The following ARHGEF26 variants were observed in gnomAD, a reference collection of about 807,000 sequenced individuals.
ARHGEF26 encodes the protein Rho guanine nucleotide exchange factor 26, also known as Rho guanine nucleotide exchange factor (GEF) 26.
Under a neutral mutation model 89.4 loss-of-function variants are expected in ARHGEF26, and 59 were observed. That is an observed-to-expected ratio of 0.66 (90% CI 0.54 to 0.82). The LOEUF (loss-of-function observed/expected upper bound fraction) is 0.82. Ranked by LOEUF, ARHGEF26 falls within the 40% of genes least tolerant of loss-of-function variation. ARHGEF26 has a pLI of 0.00. For missense variants in ARHGEF26, 1,234 were observed against 1,085.6 expected (o/e 1.14, Z -1.92); for synonymous variants, 500 against 428.4 (o/e 1.17, Z -2.06).
At chr3:154,232,474 C>T (rs1716882047) in intron 11 of ARHGEF26, among the ~76,000 whole-genome samples, 1 of 152,166 alleles carries the variant, frequency 6.6e-6, no homozygotes, top group Non-Finnish European at 1.5e-5. Flanking sequence ...CCTTGTTTTG[C>T]TGGTCTGAGC....
chr3:154,160,689 G>C (rs941150595), intron 6 of ARHGEF26, among the ~76,000 whole-genome samples: 2 of 152,008 alleles, frequency 1.3e-5, no homozygotes, highest in Non-Finnish European at 2.9e-5. Context: ...TGATTGATTG[G>C]TTCTTCCTTC....
chr3:154,209,575 G>A (rs1440068911), intron 9 of ARHGEF26, among the ~76,000 whole-genome samples: 2 of 152,182 alleles, frequency 1.3e-5, no homozygotes, highest in Non-Finnish European at 2.9e-5. Flanking sequence ...AGAGACTCTT[G>A]TTCTCTTCCC....
intron 4 of ARHGEF26, among the ~76,000 whole-genome samples, chr3:154,137,120 A>T (rs1015335376): frequency 6.6e-6 from 1 of 152,166 alleles, no homozygotes; most frequent in African/African-American, 2.4e-5. Flanking sequence ...TTAATTCCTG[A>T]TGTAGCAGTA....
At chr3:154,162,931 G>C (rs373665508) in intron 6 of ARHGEF26, among the ~76,000 whole-genome samples, 1 of 152,134 alleles carries the variant, frequency 6.6e-6, no homozygotes, top group Non-Finnish European at 1.5e-5. Flanking sequence ...AGCGCTCATT[G>C]AGCCGCCGTA....
intron 2 of ARHGEF26, 131 bp downstream of exon 2, chr3:154,123,206 C>G: frequency 7.4e-7 from 1 of 1,349,244 alleles, no homozygotes; most frequent in Admixed American, 2.3e-5. Context: ...CTCTTGATTG[C>G]TAGTGTACAT....
chr3:154,254,642 T>A, intron 13 of ARHGEF26, 78 bp from the exon 14 acceptor site: 1 of 1,098,464 alleles, frequency 9.1e-7, no homozygotes, highest in East Asian at 2.5e-5. Context: ...CAGAGAAAAA[T>A]AAGTAAGTGT....
At chr3:154,216,493 TTTTTTTTTATTTTTTA>T (rs1559905590) in intron 9 of ARHGEF26, among the ~76,000 whole-genome samples, 33 of 24,950 alleles carry the variant, frequency 1.3e-3, no homozygotes, top group African/African-American at 5.1e-3. Flanking sequence ...TTTTTTTTTA[TTTTTTTTTATTTTTTA>T]TTTTTTTTTT....
chr3:154,188,124 T>C (rs558676700), intron 7 of ARHGEF26, among the ~76,000 whole-genome samples: 3 of 152,174 alleles, frequency 2.0e-5, no homozygotes, highest in Non-Finnish European at 4.4e-5. Context: ...TGGTCCTCAC[T>C]CTAAACCCGC....
chr3:154,194,850 T>C, intron 9 of ARHGEF26, 132 bp downstream of exon 9: 1 of 737,624 alleles, frequency 1.4e-6, no homozygotes, highest in Admixed American at 2.7e-5. Context: ...TTTAGGTAGT[T>C]GCAAAACAAA....
intron 6 of ARHGEF26, among the ~76,000 whole-genome samples, chr3:154,157,604 C>G (rs1425587848): frequency 6.6e-6 from 1 of 151,996 alleles, no homozygotes; most frequent in African/African-American, 2.4e-5. Context: ...ACACAGCTAG[C>G]TAGGGTGGAA....
intron 4 of ARHGEF26, among the ~76,000 whole-genome samples, chr3:154,140,588 C>CT (rs34090306): frequency 0.66 from 88,304 of 134,684 alleles, 29,684 homozygotes; most frequent in Non-Finnish European, 0.74. Context: ...TTTCTGAGTG[C>CT]TTTTTTTTTT....
intron 12 of ARHGEF26, 32 bp from the exon 13 acceptor site, chr3:154,253,084 A>C: frequency 6.2e-7 from 1 of 1,612,402 alleles, no homozygotes; most frequent in Non-Finnish European, 8.5e-7. Context: ...TTACACCTTG[A>C]GTCTCTCAGT....
chr3:154,228,590 G>C (rs770679235), intron 11 of ARHGEF26, among the ~76,000 whole-genome samples: 1 of 151,508 alleles, frequency 6.6e-6, no homozygotes, highest in East Asian at 1.9e-4. Flanking sequence ...TATATTTCTA[G>C]GGTGTTCTTA....
chr3:154,128,313 C>G (rs1718459583), intron 3 of ARHGEF26, among the ~76,000 whole-genome samples: 2 of 152,128 alleles, frequency 1.3e-5, no homozygotes, highest in Admixed American at 6.5e-5. Context: ...TCTCGGCTCA[C>G]TGCAACTTCT....
chr3:154,134,074 T>A (rs572109088), intron 4 of ARHGEF26, among the ~76,000 whole-genome samples: 170 of 152,332 alleles, frequency 1.1e-3, no homozygotes, highest in African/African-American at 4.0e-3. Context: ...GTTTTTTTTA[T>A]CAGCTTAAGA....
chr3:154,236,730 C>T (rs1253255323), intron 11 of ARHGEF26, among the ~76,000 whole-genome samples: 1 of 152,164 alleles, frequency 6.6e-6, no homozygotes, highest in East Asian at 1.9e-4. Context: ...AGAGTTTCTG[C>T]TCCTCTTTCT....
At chr3:154,162,721 A>G (rs938277401) in intron 6 of ARHGEF26, among the ~76,000 whole-genome samples, 1 of 151,988 alleles carries the variant, frequency 6.6e-6, no homozygotes, top group East Asian at 1.9e-4. Flanking sequence ...GTGCACTGTG[A>G]TGGAAGGGTG....
At chr3:154,143,282 T>C (rs1319256653) in intron 4 of ARHGEF26, among the ~76,000 whole-genome samples, 1 of 152,218 alleles carries the variant, frequency 6.6e-6, no homozygotes, top group African/African-American at 2.4e-5. Flanking sequence ...GGATTGTCTT[T>C]TACGCAAAAA....
intron 9 of ARHGEF26, among the ~76,000 whole-genome samples, chr3:154,217,041 TA>T (rs1331753212): frequency 1.3e-5 from 2 of 149,526 alleles, no homozygotes; most frequent in Non-Finnish European, 3.0e-5. Context: ...GTCCTTTGGG[TA>T]TATACCCAGT....
Sources: allele counts gnomAD v4.1 joint callset (sites outside exome capture counted in the v4.1 genomes callset), GRCh38; gene constraint gnomAD v4.1.1; transcripts MANE v1.5; gene names NCBI Gene and HGNC (gene_info 2026-07-23, HGNC 2026-07-21).